The following MORC2 variants were observed in gnomAD, a reference collection of about 807,000 sequenced individuals.
The protein encoded by MORC2 is MORC family CW-type zinc finger 2.
In MORC2, 30 loss-of-function variants were observed where a neutral mutation model predicts 136.0. The ratio of observed to expected loss-of-function variants is 0.22; its 90% confidence interval spans 0.17 to 0.30. The LOEUF is 0.30. MORC2 is among the 10% of genes least tolerant of loss of function. MORC2 has a pLI of 1.00. For synonymous variants in MORC2, 439 were observed against 487.0 expected, an observed-to-expected ratio of 0.90 and a Z score of 1.30; for missense variants, 922 against 1,333.1, an observed-to-expected ratio of 0.69 and a Z score of 4.80.
chr22:30,943,020 A>C (rs2040763280), intron 6 of MORC2, among the ~76,000 whole-genome samples: 1 of 152,158 alleles, frequency 6.6e-6, no homozygotes. Context: ...TAAATAAATA[A>C]ATAAAAATAA....
At chr22:30,963,797 C>A (rs2041084985) in intron 1 of MORC2, among the ~76,000 whole-genome samples, 1 of 152,160 alleles carries the variant, frequency 6.6e-6, no homozygotes, top group Non-Finnish European at 1.5e-5. Context: ...AATGGTCTCC[C>A]TATTTACATT....
chr22:30,951,312 C>T (rs991533981), intron 3 of MORC2, among the ~76,000 whole-genome samples: 3 of 152,186 alleles, frequency 2.0e-5, no homozygotes, highest in Non-Finnish European at 4.4e-5. Flanking sequence ...TGGTCTGGGT[C>T]CAAGCATGTC....
chr22:30,940,724 A>AC (rs750156809), intron 10 of MORC2, 34 bp downstream of exon 10: 21 of 1,590,984 alleles, frequency 1.3e-5, no homozygotes, highest in East Asian at 2.2e-5. Flanking sequence ...CCAGATGCAC[A>AC]CCCCCCCAAC....
chr22:30,955,940 G>C (rs569930324), intron 3 of MORC2, among the ~76,000 whole-genome samples: 1 of 150,482 alleles, frequency 6.6e-6, no homozygotes, highest in East Asian at 2.0e-4. Context: ...CTGGGAGATG[G>C]AGGTTGCAGT....
At chr22:30,948,656 T>G (rs2040850495) in intron 5 of MORC2, among the ~76,000 whole-genome samples, 1 of 152,124 alleles carries the variant, frequency 6.6e-6, no homozygotes, top group African/African-American at 2.4e-5. Context: ...GCAGCTCCAT[T>G]TTGCAGTCAG....
Position 30,937,714 on chromosome 22 carries a change from G to T in MORC2, c.1370-3C>A. 1 of 1,614,042 alleles carries T rather than the reference G, an allele frequency of 6.2e-7. No homozygotes were observed. The highest frequency in any genetic ancestry group is 1.6e-4 in the Middle Eastern group (1 of 6,062). On this transcript the variant is annotated splice_polypyrimidine_tract_variant and splice_region_variant and intron_variant, in intron 14 of 25. Coordinates refer to ENST00000397641, the MANE Select transcript of MORC2 (RefSeq NM_001303256.3). The surrounding 1 kb of genome is among the most constrained non-coding windows in gnomAD (Gnocchi z 4.7). ...GAACTTGATGATTCCCCTCTGGGCT[G>T]GAAAGCAAACACCGATACATCATGT...
In MORC2 at chr22:30,933,485, G is replaced by T. The variant is rs766384151; in HGVS notation, c.2361C>A (p.Asp787Glu). The T allele has an allele frequency of 5.6e-6, 9 of 1,613,750 alleles. No individual in the cohort carries two copies. The African/African-American group carries it at 1.2e-4, about 22-fold the overall frequency. ...GCTCACCTTTCTGAGCTCTCTTGAG[G>T]TCAGCCGAGTCCTCTTCCCCAGCAC... is the stretch of plus-strand genomic sequence containing the variant. ...SDSAGEEDSA[D>E]LKRAQKDKGL... The change falls in exon 21 of 26, where the codon GAC becomes GAA. Residue 787 changes from aspartate (D) to glutamate (E), a missense_variant. Physicochemically the swap from Asp to Glu is conservative, Grantham distance 45. Transcript: ENST00000397641.
rs766064429 is a variant in MORC2, at chr22:30,934,646, C to T, written c.2193+135G>A. ...AGTCCGTTCAGCTATCAAGGCTTCC[C>T]GTCCTCAGGGGCAGCAGCAAAGCTT... On this transcript the variant is annotated intron_variant, in intron 19 of 25. Transcript: ENST00000397641. This position sits in a 1 kb window ranked among gnomAD's most constrained non-coding sequence, Gnocchi z 4.4. The T allele has an allele frequency of 6.2e-6, 8 of 1,294,172 alleles. No individual in the cohort carries two copies. Among genetic ancestry groups the T allele is most frequent in the South Asian group, 1.4e-5 (1 of 70,804 alleles). 80.2% of individuals were successfully genotyped at this position (1,294,172 alleles called of 1,614,324 possible).
Position 30,934,153 on chromosome 22 carries a change from A to G in MORC2, c.2232T>C (p.Asp744=), listed in dbSNP as rs775654284. ...CAGCTTCCTCCTCAACTTCTTCCTC[A>G]TCAGAAACTGCGACACTCCGCTTCC... ...PSRKRSVAVS[D]EEEVEEEAER... Residue 744 remains aspartate (D), a synonymous_variant, in exon 20 of 26, where the codon GAT becomes GAC. Transcript: ENST00000397641. The surrounding 1 kb of genome is among the most constrained non-coding windows in gnomAD (Gnocchi z 4.4). 5 of 1,613,912 alleles carry G rather than the reference A, an allele frequency of 3.1e-6. No individual in the cohort carries two copies. In the African/African-American group the frequency reaches 4.0e-5, roughly 13 times the overall value.
At chr22:30,964,148 G>A (rs1478490186) in intron 1 of MORC2, among the ~76,000 whole-genome samples, 2 of 152,108 alleles carry the variant, frequency 1.3e-5, no homozygotes, top group Non-Finnish European at 2.9e-5. Flanking sequence ...ATGAGGTCAA[G>A]AGATCAAGTC....
chr22:30,968,030 T>C lies in MORC2; in HGVS notation c.-141A>G. ...GACAGTTAAAGTAACCTAGTAGCTA[T>C]CCAAAATATATGCAGAGATGTTTAA... On this transcript the variant is annotated 5_prime_UTR_variant, in exon 1 of 26. Transcript: ENST00000397641. 1 of 661,946 alleles carries C rather than the reference T, an allele frequency of 1.5e-6. No individual in the cohort carries two copies. The highest frequency in any genetic ancestry group is 1.9e-5 in the South Asian group (1 of 51,642). 41.0% of individuals were successfully genotyped at this position (661,946 alleles called of 1,614,324 possible). A position where few individuals can be genotyped will look rare whatever the true frequency, so the allele number is the denominator to read the frequency against.
intron 1 of MORC2, 110 bp from the exon 2 acceptor site, chr22:30,958,804 A>C: frequency 1.0e-6 from 1 of 963,282 alleles, no homozygotes; most frequent in Non-Finnish European, 1.6e-6. Flanking sequence ...TCTTAAAACC[A>C]CCATTTGCAT....
chr22:30,958,127 G>A (rs1428521855), intron 2 of MORC2, among the ~76,000 whole-genome samples: 1 of 152,224 alleles, frequency 6.6e-6, no homozygotes, highest in African/African-American at 2.4e-5. Flanking sequence ...TAAGAACTCA[G>A]TATAAGACAG....
At chr22:30,933,986 G>A (rs572405357) in intron 20 of MORC2, 74 bp downstream of exon 20, 2 of 1,515,988 alleles carry the variant, frequency 1.3e-6, no homozygotes, top group Admixed American at 1.7e-5. Context: ...ACTGCTGATG[G>A]GGGGTGCAGA....
At position 30,968,652 on chromosome 22, in the gene MORC2, TTCCCGGGCCTCGGTCCCGTGGCCGCC is replaced by T. The variant is rs999955219; in HGVS notation, c.-789_-764del. Among the ~76,000 whole-genome samples the T allele has an allele frequency of 1.3e-5, 2 of 151,984 alleles. No homozygotes were observed. The highest frequency in any genetic ancestry group is 2.9e-5 in the Non-Finnish European group (2 of 67,970). The stretch of plus-strand genomic sequence containing the variant: ...ACAACAGCCTCAGCCTCCCAGGCCC[TTCCCGGGCCTCGGTCCCGTGGCCGCC>T]TCCCCACGAAGAGGAGCTACTCCCG... On this transcript the variant is annotated 5_prime_UTR_variant, in exon 1 of 26. Transcript: ENST00000397641.
chr22:30,961,954 G>A (rs571752182), intron 1 of MORC2, among the ~76,000 whole-genome samples: 1 of 152,204 alleles, frequency 6.6e-6, no homozygotes, highest in Admixed American at 6.5e-5. Context: ...CCAGCACTTT[G>A]GGAGGCCGAG....
rs765892287 is a variant in MORC2 at position 30,935,049 on chromosome 22, C to T, written c.1925G>A (p.Arg642Gln). The T allele has an allele frequency of 3.2e-5, 51 of 1,613,720 alleles. No homozygotes were observed. Among genetic ancestry groups the T allele is most frequent in the Non-Finnish European group, 3.6e-5 (43 of 1,179,988 alleles). Residue 642 changes from arginine (R) to glutamine (Q), a missense_variant, in exon 19 of 26, where the codon CGA becomes CAA. This residue lies in a region of MORC2 where 184 missense variants were observed against 180.3 expected (regional missense o/e 1.02). Transcript: ENST00000397641. ...GGTACTGCTGATGACAGGAGCCTTTCGGGGCTGGCTGGCTGGTCTAGGAGT... is the reference window on the plus strand; with the variant it reads ...GGTACTGCTGATGACAGGAGCCTTTTGGGGCTGGCTGGCTGGTCTAGGAGT... ...LPTPRPASQP[R>Q]KAPVISSTPK...
In MORC2 at chr22:30,934,324, A is replaced by T. The variant is rs1447318115; in HGVS notation, c.2194-133T>A. The T allele has an allele frequency of 7.5e-7, 1 of 1,334,136 alleles. No homozygotes were observed. Among genetic ancestry groups the T allele is most frequent in the Non-Finnish European group, 1.0e-6 (1 of 984,052 alleles). The allele number at this position is 1,334,136 out of a possible 1,614,324, so 82.6% of individuals were successfully genotyped here. A position where few individuals can be genotyped will look rare whatever the true frequency, so the allele number is the denominator to read the frequency against. Reference sequence around the variant, plus strand: ...GCAATCCCTGCCTGACATTACTTGGAATGTACACAGGCAACCCACTGGCCC... The same window carrying T: ...GCAATCCCTGCCTGACATTACTTGGTATGTACACAGGCAACCCACTGGCCC... On this transcript the variant is annotated intron_variant, in intron 19 of 25. Coordinates refer to ENST00000397641, the MANE Select transcript of MORC2 (RefSeq NM_001303256.3). The surrounding 1 kb of genome is among the most constrained non-coding windows in gnomAD (Gnocchi z 4.4).
At chr22:30,945,171 T>G (rs987594705) in intron 6 of MORC2, among the ~76,000 whole-genome samples, 1 of 152,206 alleles carries the variant, frequency 6.6e-6, no homozygotes, top group Non-Finnish European at 1.5e-5. Context: ...GAAACATTCC[T>G]GAAAACCCCA....
Sources: allele counts gnomAD v4.1 joint callset (sites outside exome capture counted in the v4.1 genomes callset), GRCh38; gene constraint gnomAD v4.1.1; regional missense constraint gnomAD v4.1.1; non-coding constraint Gnocchi (gnomAD v3.1); transcripts MANE v1.5; gene names NCBI Gene and HGNC (gene_info 2026-07-23, HGNC 2026-07-21).